The following CEP135 variants were observed in gnomAD, a reference collection of about 807,000 sequenced individuals.
The protein encoded by CEP135 is centrosomal protein 135, also known as centrosomal protein of 135 kDa.
CEP135 carries 142 observed loss-of-function variants against 157.3 expected under a neutral mutation model. The observed-to-expected ratio is 0.90, with a 90% confidence interval of 0.79 to 1.04. The LOEUF (loss-of-function observed/expected upper bound fraction) is 1.04, where lower values mean the gene tolerates loss of function less well. Among genes scored for constraint, CEP135 ranks in the 50% least tolerant of loss-of-function variants. The pLI, the probability that CEP135 is intolerant of heterozygous loss-of-function variation, is 0.00. For missense variants in CEP135, 1,317 were observed against 1,309.2 expected, an observed-to-expected ratio of 1.01 and a Z score of -0.09; for synonymous variants, 396 against 439.8, an observed-to-expected ratio of 0.90 and a Z score of 1.25.
intron 8 of CEP135, chr4:55,966,615 G>T (rs1341499270): frequency 1.3e-5 from 2 of 152,560 alleles, no homozygotes; most frequent in African/African-American, 4.8e-5. Flanking sequence ...CTCCTGAGTA[G>T]CTGGGACTAC....
rs535218574 is a variant in CEP135 at position 55,990,969 on chromosome 4, A to G, written c.1858-965A>G. Among the ~76,000 whole-genome samples the G allele has an allele frequency of 7.9e-5, 12 of 151,422 alleles. No homozygotes were observed. In the East Asian group the frequency reaches 2.1e-3, roughly 27 times the overall value. On this transcript the variant is annotated intron_variant, in intron 14 of 25. Transcript: ENST00000257287. ...TTGTATGTGAAATCTTCACTGTTCT[A>G]ATTATAATAACTTTTTTTTTTTTTG...
At chr4:56,020,129 A>C (rs900914688) in intron 23 of CEP135, among the ~76,000 whole-genome samples, 2 of 152,180 alleles carry the variant, frequency 1.3e-5, no homozygotes, top group African/African-American at 4.8e-5. Context: ...TCAGTGAAGG[A>C]GAAAGTGTTC....
intron 23 of CEP135, among the ~76,000 whole-genome samples, chr4:56,020,048 G>A (rs185159959): frequency 6.6e-6 from 1 of 152,326 alleles, no homozygotes; most frequent in African/African-American, 2.4e-5. Context: ...CACTACAGAG[G>A]TTGTACCGTG....
At chr4:55,956,777 A>AT (rs1250480486) in intron 4 of CEP135, among the ~76,000 whole-genome samples, 1 of 151,920 alleles carries the variant, frequency 6.6e-6, no homozygotes, top group Non-Finnish European at 1.5e-5. Context: ...CGCCCAGCTA[A>AT]TTTTTTTGTA....
intron 9 of CEP135, among the ~76,000 whole-genome samples, chr4:55,970,652 A>G (rs1184521649): frequency 6.6e-6 from 1 of 152,360 alleles, no homozygotes; most frequent in Non-Finnish European, 1.5e-5. Context: ...GTGTTGGCTT[A>G]CAGTAAGATG....
At chr4:55,983,381 G>A (rs1729474594) in intron 13 of CEP135, among the ~76,000 whole-genome samples, 1 of 152,192 alleles carries the variant, frequency 6.6e-6, no homozygotes, top group African/African-American at 2.4e-5. Flanking sequence ...TTACTTAAAA[G>A]TGTAACTAAT....
intron 4 of CEP135, 81 bp downstream of exon 4, chr4:55,954,464 TG>T: frequency 8.0e-7 from 1 of 1,242,488 alleles, no homozygotes; most frequent in Non-Finnish European, 1.1e-6. Context: ...AATAGGACTT[TG>T]GATTGGATTT....
intron 13 of CEP135, among the ~76,000 whole-genome samples, chr4:55,984,265 CTTCT>C (rs1288364687): frequency 6.6e-6 from 1 of 152,196 alleles, no homozygotes; most frequent in African/African-American, 2.4e-5. Flanking sequence ...TGCCACCAGC[CTTCT>C]ACATAGACTA....
intron 12 of CEP135, 68 bp from the exon 13 acceptor site, chr4:55,981,159 C>A: frequency 6.9e-7 from 1 of 1,440,274 alleles, no homozygotes; most frequent in Admixed American, 2.6e-5. Context: ...GGAAACATAT[C>A]CAAAGTATTT....
chr4:55,981,096 G>T, intron 12 of CEP135, 131 bp from the exon 13 acceptor site: 4 of 755,630 alleles, frequency 5.3e-6, no homozygotes, highest in South Asian at 2.4e-5. Context: ...ATCTTTTGTT[G>T]GGATTTGCGA....
chr4:55,950,614 G>T (rs1241017597), intron 1 of CEP135, among the ~76,000 whole-genome samples: 2 of 150,820 alleles, frequency 1.3e-5, no homozygotes, highest in Non-Finnish European at 2.9e-5. Flanking sequence ...GCAAGACCCT[G>T]TCTCTAAAAA....
chr4:56,005,496 C>T (rs2109723494), intron 17 of CEP135, among the ~76,000 whole-genome samples: 1 of 152,270 alleles, frequency 6.6e-6, no homozygotes. Flanking sequence ...CTTTATCTCC[C>T]TCGCATTTTG....
At chr4:55,985,601 C>T (rs756091246) in intron 14 of CEP135, among the ~76,000 whole-genome samples, 1 of 151,978 alleles carries the variant, frequency 6.6e-6, no homozygotes, top group African/African-American at 2.4e-5. Context: ...ACTACAGTTG[C>T]GTGCCACCAT....
At chr4:55,994,936 T>G (rs889996717) in intron 15 of CEP135, among the ~76,000 whole-genome samples, 2 of 152,174 alleles carry the variant, frequency 1.3e-5, no homozygotes, top group African/African-American at 4.8e-5. Flanking sequence ...TCCATCCGCC[T>G]GGGCCTCCCA....
intron 19 of CEP135, among the ~76,000 whole-genome samples, chr4:56,011,148 T>C (rs1730568739): frequency 6.6e-6 from 1 of 151,946 alleles, no homozygotes; most frequent in East Asian, 1.9e-4. Flanking sequence ...AGTGGAAGGA[T>C]TGCTTGAGCC....
chr4:55,971,162 G>A (rs752038303), intron 9 of CEP135, 108 bp from the exon 10 acceptor site: 633 of 732,238 alleles, frequency 8.6e-4, no homozygotes, highest in Non-Finnish European at 1.3e-3. Flanking sequence ...GTACACACAC[G>A]TATATGTAAA....
chr4:55,989,115 A>G (rs1292876334), intron 14 of CEP135, among the ~76,000 whole-genome samples: 1 of 152,186 alleles, frequency 6.6e-6, no homozygotes, highest in Non-Finnish European at 1.5e-5. Context: ...TGTTTCTCAG[A>G]CTATTGGCTA....
intron 6 of CEP135, 120 bp from the exon 7 acceptor site, chr4:55,964,154 A>T: frequency 2.3e-6 from 2 of 876,344 alleles, no homozygotes; most frequent in South Asian, 5.2e-5. Flanking sequence ...ACAAATATGA[A>T]TGTTAATCTC....
rs368158969 is a variant in CEP135 at position 55,991,930 on chromosome 4, A to G, written c.1858-4A>G. ...TACCTACTGTTTTTTTATTTAAATT[A>G]TAGCTTGAAAGCGAAAAATATGAAT... On this transcript the variant is annotated splice_region_variant and splice_polypyrimidine_tract_variant and intron_variant, in intron 14 of 25. Transcript: ENST00000257287. 4 of 1,400,354 alleles carry G rather than the reference A, an allele frequency of 2.9e-6. No individual in the cohort carries two copies. The highest frequency in any genetic ancestry group is 3.9e-6 in the Non-Finnish European group (4 of 1,022,684). The allele number at this position is 1,400,354 out of a possible 1,614,324, so 86.7% of individuals were successfully genotyped here.
Sources: allele counts gnomAD v4.1 joint callset (sites outside exome capture counted in the v4.1 genomes callset), GRCh38; gene constraint gnomAD v4.1.1; transcripts MANE v1.5; gene names NCBI Gene and HGNC (gene_info 2026-07-23, HGNC 2026-07-21).